ARHGAP32: variants seen among roughly 807,000 people sequenced by gnomAD.
ARHGAP32 encodes the protein Rho GTPase activating protein 32.
In ARHGAP32, 51 loss-of-function variants were observed where a neutral mutation model predicts 186.5. The ratio of observed to expected loss-of-function variants is 0.27; its 90% CI spans 0.22 to 0.35. The LOEUF (loss-of-function observed/expected upper bound fraction) is 0.35. Among genes scored for constraint, ARHGAP32 ranks in the 10% least tolerant of loss-of-function variants. ARHGAP32 has a pLI of 1.00. For synonymous variants in ARHGAP32, 950 were observed against 964.3 expected, an observed-to-expected ratio of 0.99 and a Z score of 0.27; for missense variants, 2,186 against 2,623.5, an observed-to-expected ratio of 0.83 and a Z score of 3.64.
chr11:129,174,349 G>A (rs1014022381), intron 1 of ARHGAP32, among the ~76,000 whole-genome samples: 1 of 152,210 alleles, frequency 6.6e-6, no homozygotes, highest in African/African-American at 2.4e-5. Context: ...CTGCTAGGCG[G>A]CAGCAAGGCT....
chr11:129,243,392 A>G (rs1222420066), intron 1 of ARHGAP32, among the ~76,000 whole-genome samples: 1 of 152,226 alleles, frequency 6.6e-6, no homozygotes, highest in South Asian at 2.1e-4. Flanking sequence ...TAACAATCAT[A>G]AATAAGTAAA....
chr11:129,242,339 G>A (rs140180134), intron 1 of ARHGAP32, among the ~76,000 whole-genome samples: 2 of 152,230 alleles, frequency 1.3e-5, no homozygotes, highest in Non-Finnish European at 2.9e-5. Flanking sequence ...AGGGATTTGA[G>A]CTGTTACACT....
At chr11:129,235,876 G>A (rs1944921916) in intron 1 of ARHGAP32, among the ~76,000 whole-genome samples, 1 of 148,400 alleles carries the variant, frequency 6.7e-6, no homozygotes, top group African/African-American at 2.5e-5. Context: ...CCAGGTTGCT[G>A]CAAATGCCAT....
chr11:129,253,331 A>G (rs1945210707), intron 1 of ARHGAP32, among the ~76,000 whole-genome samples: 3 of 152,142 alleles, frequency 2.0e-5, no homozygotes, highest in African/African-American at 7.2e-5. Flanking sequence ...ACACACTCTC[A>G]CTATTTTTCA....
chr11:129,267,736 A>G (rs1293255766), intron 1 of ARHGAP32, among the ~76,000 whole-genome samples: 1 of 152,218 alleles, frequency 6.6e-6, no homozygotes, highest in Non-Finnish European at 1.5e-5. Context: ...AAATTGGGTA[A>G]TTTATAAAGA....
At chr11:129,151,244 G>C (rs1943280843) in intron 2 of ARHGAP32, among the ~76,000 whole-genome samples, 1 of 152,024 alleles carries the variant, frequency 6.6e-6, no homozygotes, top group South Asian at 2.1e-4. Flanking sequence ...ATTACTACTA[G>C]ACCTAAGAAA....
rs140745828 is a variant in ARHGAP32, at chr11:128,973,332, C to G, written c.3174G>C (p.Ala1058=). 2.7e-5 allele frequency: 43 copies of G among 1,613,926 alleles called. No homozygotes were observed. In the Admixed American group the frequency reaches 4.2e-4, roughly 16 times the overall value. Residue 1058 remains alanine (A), a synonymous_variant, in exon 22 of 23, where the codon GCG becomes GCC. Transcript: ENST00000682385. ...GCTGTGCGGACTCAGCTAATGCTAG[C>G]GCCAACATTCGGGCAACATTTTTCG... The part of the protein sequence containing the change: ...PPPKNVARML[A]LALAESAQQA...
intron 11 of ARHGAP32, among the ~76,000 whole-genome samples, chr11:129,010,697 TAGA>T (rs1938038095): frequency 1.3e-5 from 2 of 152,224 alleles, no homozygotes; most frequent in African/African-American, 2.4e-5. Flanking sequence ...TCAATAATTT[TAGA>T]AGGATATTAG....
chr11:129,041,778 A>T (rs953668871), intron 10 of ARHGAP32, among the ~76,000 whole-genome samples: 1 of 152,246 alleles, frequency 6.6e-6, no homozygotes, highest in Admixed American at 6.5e-5. Flanking sequence ...CCAAAAGGAT[A>T]AATACCGAGA....
In ARHGAP32 at chr11:129,123,617, C is replaced by A; in HGVS notation, c.360-87G>T. ...GGGAAAAATACAGTGGATTTAAGAGCTCATGCAAGCAAAAATATTTCGTAA... is the reference window on the plus strand; with the variant it reads ...GGGAAAAATACAGTGGATTTAAGAGATCATGCAAGCAAAAATATTTCGTAA... On this transcript the variant is annotated intron_variant, in intron 4 of 22. Coordinates refer to ENST00000682385, the MANE Select transcript of ARHGAP32 (RefSeq NM_001378024.1). This position sits in a 1 kb window ranked among gnomAD's most constrained non-coding sequence, Gnocchi z 4.6. The A allele has an allele frequency of 8.4e-7, 1 of 1,186,272 alleles. No homozygotes were observed. The highest frequency in any genetic ancestry group is 1.2e-6 in the Non-Finnish European group (1 of 820,092). 73.5% of individuals were successfully genotyped at this position (1,186,272 alleles called of 1,614,324 possible).
At chr11:129,160,964 C>A (rs924727764) in intron 2 of ARHGAP32, among the ~76,000 whole-genome samples, 2 of 152,104 alleles carry the variant, frequency 1.3e-5, no homozygotes, top group Non-Finnish European at 2.9e-5. Flanking sequence ...GATATATAGA[C>A]CAATGGTACA....
intron 1 of ARHGAP32, among the ~76,000 whole-genome samples, chr11:129,255,799 A>G (rs1413939162): frequency 2.6e-5 from 4 of 152,140 alleles, no homozygotes; most frequent in Non-Finnish European, 5.9e-5. Context: ...AGAGGAGCTT[A>G]AACTCTCATT....
At chr11:129,038,566 T>G (rs1221389445) in intron 11 of ARHGAP32, among the ~76,000 whole-genome samples, 1 of 151,580 alleles carries the variant, frequency 6.6e-6, no homozygotes, top group Non-Finnish European at 1.5e-5. Context: ...GGTAAAGAAT[T>G]TGTATCTAGA....
At chr11:129,190,944 T>C (rs1944257372) in intron 1 of ARHGAP32, among the ~76,000 whole-genome samples, 1 of 152,198 alleles carries the variant, frequency 6.6e-6, no homozygotes, top group Non-Finnish European at 1.5e-5. Context: ...TAATAATTCA[T>C]TTTTATACTC....
intron 1 of ARHGAP32, among the ~76,000 whole-genome samples, chr11:129,274,037 G>A (rs1378580700): frequency 6.7e-6 from 1 of 149,644 alleles, no homozygotes; most frequent in African/African-American, 2.5e-5. Context: ...AAAAACAACT[G>A]TGTTTTGAAA....
chr11:129,257,387 T>C (rs1945267437), intron 1 of ARHGAP32, among the ~76,000 whole-genome samples: 1 of 152,128 alleles, frequency 6.6e-6, no homozygotes, highest in Non-Finnish European at 1.5e-5. Context: ...TCAGGTACTA[T>C]AAAAGGCAGG....
rs1286530367 is a variant in ARHGAP32 at position 129,192,109 on chromosome 11, T to C, written c.90A>G (p.Glu30=). The change falls in exon 1 of 23, where the codon GAA becomes GAG. Residue 30 remains glutamate (E), a synonymous_variant. Transcript: ENST00000682385. The part of the protein sequence containing the change: ...SEVIIQVTDC[E]EEEREEKFRK... Reference sequence around the variant, plus strand: ...TGAACTTCTCTTCCCTTTCTTCCTCTTCACAGTCAGTCACCTGGATTATAA... The same window carrying C: ...TGAACTTCTCTTCCCTTTCTTCCTCCTCACAGTCAGTCACCTGGATTATAA... The C allele has an allele frequency of 1.9e-6, 3 of 1,613,632 alleles. No individual in the cohort carries two copies. The highest frequency in any genetic ancestry group is 2.7e-5 in the African/African-American group (2 of 74,902).
At chr11:128,985,164 G>A (rs1488343375) in intron 15 of ARHGAP32, among the ~76,000 whole-genome samples, 4 of 151,974 alleles carry the variant, frequency 2.6e-5, no homozygotes, top group Non-Finnish European at 5.9e-5. Flanking sequence ...GATTATAGGC[G>A]CGTGCTACCA....
intron 1 of ARHGAP32, among the ~76,000 whole-genome samples, chr11:129,247,449 A>T (rs147018645): frequency 9.2e-5 from 14 of 152,360 alleles, no homozygotes; most frequent in African/African-American, 3.4e-4. Flanking sequence ...AACAACATAC[A>T]TCAAAGGAGG....
Sources: gnomAD v4.1 joint callset for allele counts (sites outside exome capture counted in the v4.1 genomes callset) on GRCh38, gnomAD v4.1.1 for gene constraint, Gnocchi (gnomAD v3.1) non-coding constraint, MANE v1.5 for transcripts, NCBI Gene and HGNC (gene_info 2026-07-23, HGNC 2026-07-21) for gene names.